Variants in ARHGEF11 observed in about 807,000 individuals in gnomAD.
ARHGEF11 encodes the protein Rho guanine nucleotide exchange factor 11.
ARHGEF11 carries 55 observed loss-of-function variants against 193.7 expected under a neutral mutation model. The ratio of observed to expected loss-of-function variants is 0.28; its 90% CI spans 0.23 to 0.36. The LOEUF (loss-of-function observed/expected upper bound fraction) is 0.36, where lower values mean the gene tolerates loss of function less well. ARHGEF11 is among the 10% of genes least tolerant of loss of function. The pLI, the probability that ARHGEF11 is intolerant of heterozygous loss-of-function variation, is 1.00. For missense variants in ARHGEF11, 1,723 were observed against 2,005.6 expected, an observed-to-expected ratio of 0.86 and a Z score of 2.69; for synonymous variants, 693 against 768.0, an observed-to-expected ratio of 0.90 and a Z score of 1.62.
intron 1 of ARHGEF11, among the ~76,000 whole-genome samples, chr1:156,996,641 C>T (rs1012074437): frequency 1.3e-5 from 2 of 151,508 alleles, no homozygotes; most frequent in Admixed American, 6.6e-5. Context: ...GGCGTGGTAG[C>T]GGGCGCCTGT....
chr1:156,979,211 C>T lies in ARHGEF11; in HGVS notation c.331+18G>A. 6.2e-7 allele frequency: 1 copy of T among 1,612,756 alleles called. No individual in the cohort carries two copies. Among genetic ancestry groups the T allele is most frequent in the Non-Finnish European group, 8.5e-7 (1 of 1,178,842 alleles). ...TCATCTGCTTCCCTACTTTAGTTGT[C>T]ACCTCTCTCCAACTCACATTTGATC... On this transcript the variant is annotated intron_variant, in intron 5 of 40. Transcript: ENST00000368194.
At chr1:157,015,145 C>A (rs568206787) in intron 1 of ARHGEF11, among the ~76,000 whole-genome samples, 1 of 152,282 alleles carries the variant, frequency 6.6e-6, no homozygotes, top group South Asian at 2.1e-4. Flanking sequence ...AACAATACAT[C>A]CTGGACAATT....
chr1:156,981,778 C>A (rs1664216272), intron 3 of ARHGEF11, among the ~76,000 whole-genome samples: 1 of 152,184 alleles, frequency 6.6e-6, no homozygotes, highest in East Asian at 1.9e-4. Context: ...CCCAGCCTCA[C>A]AAGATAGTTT....
At chr1:157,013,263 T>TCACACACACACACACACACA (rs71084208) in intron 1 of ARHGEF11, among the ~76,000 whole-genome samples, 2 of 140,704 alleles carry the variant, frequency 1.4e-5, no homozygotes, top group African/African-American at 5.5e-5. Flanking sequence ...CCACTATCAC[T>TCACACACACACACACACACA]CACACACACA....
chr1:156,961,645 T>A (rs1489446500), intron 14 of ARHGEF11, 32 bp downstream of exon 14: 2 of 1,593,898 alleles, frequency 1.3e-6, no homozygotes, highest in African/African-American at 2.7e-5. Flanking sequence ...AAGAATATGA[T>A]AAAATTATAA....
intron 1 of ARHGEF11, among the ~76,000 whole-genome samples, chr1:157,019,962 TA>T (rs1293942646): frequency 1.3e-5 from 2 of 151,794 alleles, no homozygotes; most frequent in Non-Finnish European, 2.9e-5. Flanking sequence ...CCATCTCTAC[TA>T]AAAATACAAA....
At chr1:157,040,860 TGA>T (rs1672652241) in intron 1 of ARHGEF11, among the ~76,000 whole-genome samples, 1 of 152,186 alleles carries the variant, frequency 6.6e-6, no homozygotes, top group Non-Finnish European at 1.5e-5. Flanking sequence ...AATAGGCTTG[TGA>T]GAGAGATGAA....
At chr1:157,017,483 G>A (rs753473354) in intron 1 of ARHGEF11, among the ~76,000 whole-genome samples, 35 of 152,056 alleles carry the variant, frequency 2.3e-4, no homozygotes, top group Non-Finnish European at 4.3e-4. Flanking sequence ...CGAGGCAGGT[G>A]GATCACGAGG....
intron 1 of ARHGEF11, among the ~76,000 whole-genome samples, chr1:156,990,018 C>T (rs1665493042): frequency 6.6e-6 from 1 of 152,200 alleles, no homozygotes; most frequent in Non-Finnish European, 1.5e-5. Context: ...ATCTAATATA[C>T]AGTACACATT....
chr1:156,966,617 C>T (rs112031881), intron 11 of ARHGEF11, among the ~76,000 whole-genome samples: 19 of 152,106 alleles, frequency 1.2e-4, no homozygotes, highest in Non-Finnish European at 2.9e-5. Context: ...TGTTGAGGGT[C>T]AAAATGATTT....
chr1:156,993,500 C>T (rs1666066562), intron 1 of ARHGEF11, among the ~76,000 whole-genome samples: 1 of 152,072 alleles, frequency 6.6e-6, no homozygotes, highest in South Asian at 2.1e-4. Context: ...CTAGGTTTTC[C>T]TGAGTCTGGG....
At chr1:157,028,762 A>G (rs1670949850) in intron 1 of ARHGEF11, among the ~76,000 whole-genome samples, 1 of 152,216 alleles carries the variant, frequency 6.6e-6, no homozygotes, top group African/African-American at 2.4e-5. Context: ...AATCAACATA[A>G]AAAGATGCTT....
chr1:156,982,698 A>G (rs1402056138), intron 3 of ARHGEF11, among the ~76,000 whole-genome samples: 1 of 152,166 alleles, frequency 6.6e-6, no homozygotes, highest in Admixed American at 6.5e-5. Context: ...CCTTGACTTC[A>G]CTGGAGGGGA....
At chr1:156,964,630 C>T (rs757605799) in intron 11 of ARHGEF11, among the ~76,000 whole-genome samples, 6 of 152,154 alleles carry the variant, frequency 3.9e-5, no homozygotes, top group Admixed American at 6.5e-5. Flanking sequence ...AGAACATGAG[C>T]GGCCCAGAAG....
At chr1:156,951,842 T>C in intron 21 of ARHGEF11, 143 bp from the exon 22 acceptor site, 1 of 1,111,914 alleles carries the variant, frequency 9.0e-7, no homozygotes, top group Non-Finnish European at 1.3e-6. Flanking sequence ...AGGAGATGTG[T>C]TCTGGTCCTG....
chr1:156,941,939 C>T lies in ARHGEF11; in HGVS notation c.3377G>A (p.Gly1126Glu). The change falls in exon 34 of 41, where the codon GGA becomes GAA. Residue 1126 changes from glycine to glutamate, a missense_variant. By Grantham distance (98) the Gly-to-Glu change is moderately conservative (BLOSUM62 -2). Coordinates refer to ENST00000368194, the MANE Select transcript of ARHGEF11 (RefSeq NM_198236.3). Reference sequence around the variant, plus strand: ...AGGATGGACGGGCATTGGGGCAGCTCCGGGGTGCCTGGTGGCATTCCGCAC... The same window carrying T: ...AGGATGGACGGGCATTGGGGCAGCTTCGGGGTGCCTGGTGGCATTCCGCAC... ...EAVRNATRHP[G>E]AAPMPVHPPP... The T allele has an allele frequency of 6.2e-7, 1 of 1,614,072 alleles. No homozygotes were observed. The highest frequency in any genetic ancestry group is 1.7e-5 in the Admixed American group (1 of 60,018).
intron 37 of ARHGEF11, chr1:156,939,286 C>A (rs1446225649): frequency 2.0e-6 from 1 of 508,710 alleles, no homozygotes; most frequent in African/African-American, 1.9e-5. Flanking sequence ...TCCTTATGTG[C>A]TATAAAACAA....
At chr1:157,008,600 G>C (rs1392794519) in intron 1 of ARHGEF11, among the ~76,000 whole-genome samples, 1 of 152,194 alleles carries the variant, frequency 6.6e-6, no homozygotes, top group Admixed American at 6.5e-5. Context: ...GGTGACCCAA[G>C]CTGACTAAAC....
At chr1:157,027,781 C>G (rs1670827164) in intron 1 of ARHGEF11, among the ~76,000 whole-genome samples, 1 of 152,146 alleles carries the variant, frequency 6.6e-6, no homozygotes, top group African/African-American at 2.4e-5. Flanking sequence ...CTAACAGACC[C>G]CCAAGGCTAG....
Sources: allele counts gnomAD v4.1 joint callset (sites outside exome capture counted in the v4.1 genomes callset), GRCh38; gene constraint gnomAD v4.1.1; transcripts MANE v1.5; gene names NCBI Gene and HGNC (gene_info 2026-07-23, HGNC 2026-07-21).